SLC35D2: variants seen among roughly 807,000 people sequenced by gnomAD.
SLC35D2 encodes the protein nucleotide sugar transporter SLC35D2.
A neutral mutation model predicts 41.8 loss-of-function variants in SLC35D2; 43 were observed. The ratio of observed to expected loss-of-function variants is 1.03; its 90% CI spans 0.81 to 1.33. The LOEUF is 1.33. Ranked by LOEUF, SLC35D2 falls within the 40% of genes most tolerant of loss-of-function variation. The pLI, the probability that SLC35D2 is intolerant of heterozygous loss-of-function variation, is 0.00. For synonymous variants in SLC35D2, 150 were observed against 163.9 expected, an observed-to-expected ratio of 0.92 and a Z score of 0.65; for missense variants, 380 against 408.4, an observed-to-expected ratio of 0.93 and a Z score of 0.60.
intron 1 of SLC35D2, among the ~76,000 whole-genome samples, chr9:96,375,154 G>C (rs1035281005): frequency 9.9e-5 from 15 of 151,194 alleles, no homozygotes; most frequent in Non-Finnish European, 1.6e-4. Flanking sequence ...ACGATGCCCG[G>C]CTAATTTTTG....
At chr9:96,376,234 G>A (rs1830948602) in intron 1 of SLC35D2, among the ~76,000 whole-genome samples, 1 of 149,226 alleles carries the variant, frequency 6.7e-6, no homozygotes, top group Non-Finnish European at 1.5e-5. Flanking sequence ...GGTGGAGGTT[G>A]CAGTGAGCCT....
intron 9 of SLC35D2, among the ~76,000 whole-genome samples, chr9:96,326,719 T>C (rs1346727618): frequency 6.6e-6 from 1 of 151,608 alleles, no homozygotes; most frequent in Non-Finnish European, 1.5e-5. Context: ...GGCAGGAGAA[T>C]TGCTTGAGCC....
At chr9:96,345,468 T>C in intron 6 of SLC35D2, 67 bp from the exon 7 acceptor site, 1 of 861,824 alleles carries the variant, frequency 1.2e-6, no homozygotes, top group Non-Finnish European at 1.9e-6. Context: ...CAAGCCCGCC[T>C]GATCTACCTT....
chr9:96,355,225 G>T (rs1564111573), intron 4 of SLC35D2, among the ~76,000 whole-genome samples: 1 of 151,632 alleles, frequency 6.6e-6, no homozygotes, highest in Non-Finnish European at 1.5e-5. Flanking sequence ...ACCATGTTGA[G>T]CAGGCTGGGT....
At chr9:96,322,444 G>A (rs1218626803) in intron 10 of SLC35D2, among the ~76,000 whole-genome samples, 1 of 152,144 alleles carries the variant, frequency 6.6e-6, no homozygotes, top group Non-Finnish European at 1.5e-5. Context: ...GATTGCTTGA[G>A]CCCAGGAAGT....
intron 8 of SLC35D2, among the ~76,000 whole-genome samples, chr9:96,340,686 CTT>C (rs375931195): frequency 8.3e-4 from 111 of 134,138 alleles, no homozygotes; most frequent in Non-Finnish European, 1.5e-3. Context: ...TTGACTTGTA[CTT>C]TGTTATTTTA....
chr9:96,337,719 C>T (rs372420112), intron 8 of SLC35D2, among the ~76,000 whole-genome samples: 10 of 151,950 alleles, frequency 6.6e-5, no homozygotes, highest in African/African-American at 1.9e-4. Context: ...CAGTGGCTCA[C>T]GCTTGTAATC....
chr9:96,379,990 C>A (rs992674119), intron 1 of SLC35D2, among the ~76,000 whole-genome samples: 2 of 151,578 alleles, frequency 1.3e-5, no homozygotes, highest in African/African-American at 4.8e-5. Context: ...CTCCGCCTCC[C>A]AGGTTCAAGT....
At chr9:96,319,679 T>G (rs1420617126), downstream of SLC35D2, among the ~76,000 whole-genome samples, 10 of 151,960 alleles carry the variant, frequency 6.6e-5, no homozygotes. Context: ...CTAATTTTTT[T>G]GTAGAGATGA....
intron 6 of SLC35D2, 158 bp downstream of exon 6, chr9:96,350,945 C>A: frequency 1.8e-6 from 1 of 554,140 alleles, no homozygotes; most frequent in South Asian, 3.1e-5. Flanking sequence ...CTTTGACTTT[C>A]ATAGGAACAC....
intron 9 of SLC35D2, among the ~76,000 whole-genome samples, chr9:96,335,838 G>T (rs1387486039): frequency 6.6e-6 from 1 of 151,984 alleles, no homozygotes; most frequent in African/African-American, 2.4e-5. Flanking sequence ...CAGATCACAA[G>T]GTCAGGAGAT....
Position 96,321,109 on chromosome 9 carries a change from T to C in SLC35D2, c.*133A>G. 1.5e-6 allele frequency: 1 copy of C among 650,242 alleles called. No individual in the cohort carries two copies. Among genetic ancestry groups the C allele is most frequent in the South Asian group, 1.9e-5 (1 of 53,560 alleles). The allele number at this position is 650,242 out of a possible 1,614,324, so 40.3% of individuals were successfully genotyped here. Reference sequence around the variant, plus strand: ...ATCCTGCATATGAGGTAGTTCTCTTTGCATTTTGCAGATGCTCTCACTTGC... The same window carrying C: ...ATCCTGCATATGAGGTAGTTCTCTTCGCATTTTGCAGATGCTCTCACTTGC... On this transcript the variant is annotated 3_prime_UTR_variant, in exon 12 of 12. Transcript: ENST00000253270.
At chr9:96,370,081 C>G (rs1016827662) in intron 1 of SLC35D2, among the ~76,000 whole-genome samples, 1 of 152,150 alleles carries the variant, frequency 6.6e-6, no homozygotes, top group African/African-American at 2.4e-5. Context: ...AATAGCATGT[C>G]CACTCCCTGA....
chr9:96,347,739 C>T (rs1435119188), intron 6 of SLC35D2, among the ~76,000 whole-genome samples: 1 of 152,040 alleles, frequency 6.6e-6, no homozygotes, highest in African/African-American at 2.4e-5. Context: ...CATTCCCAGG[C>T]GGTTAAGGCA....
chr9:96,321,332 C>T lies in SLC35D2; in HGVS notation c.924G>A (p.Gly308=), dbSNP rs370761962. ...GTGTTAAAAAGGAATATCTCAAGCC[C>T]CCTGCCATGCTGAAAGGAGAAAAAA... ...NFVGLNICMA[G]GLRYSFLTLS... is the part of the protein sequence containing the mutation. Residue 308 remains glycine, a synonymous_variant, in exon 12 of 12, where the codon GGG becomes GGA. Coordinates refer to ENST00000253270, the MANE Select transcript of SLC35D2 (RefSeq NM_007001.3). 2.9e-5 allele frequency: 47 copies of T among 1,613,062 alleles called. No individual in the cohort carries two copies. Among genetic ancestry groups the T allele is most frequent in the Admixed American group, 1.7e-4 (10 of 59,928 alleles).
At chr9:96,356,214 T>C (rs1830014731) in intron 4 of SLC35D2, among the ~76,000 whole-genome samples, 1 of 152,232 alleles carries the variant, frequency 6.6e-6, no homozygotes, top group Non-Finnish European at 1.5e-5. Context: ...CCTCACCAGA[T>C]GCAGATGCTG....
intron 9 of SLC35D2, among the ~76,000 whole-genome samples, chr9:96,333,532 G>A (rs555652839): frequency 2.3e-4 from 34 of 150,726 alleles, no homozygotes; most frequent in Admixed American, 8.6e-4. Flanking sequence ...GAGGCGGTGC[G>A]TGCAGTGAGC....
downstream of SLC35D2, among the ~76,000 whole-genome samples, chr9:96,316,160 C>T (rs1828047266): frequency 6.6e-6 from 1 of 152,158 alleles, no homozygotes; most frequent in African/African-American, 2.4e-5. Flanking sequence ...TGCACCAGCT[C>T]ACTAAATCTT....
intron 2 of SLC35D2, among the ~76,000 whole-genome samples, chr9:96,364,965 G>A (rs34733232): frequency 0.027 from 3,999 of 147,662 alleles, 77 homozygotes; most frequent in Middle Eastern, 0.059. Context: ...CAGGAGAATC[G>A]CTTGAACCTG....
Sources: allele counts gnomAD v4.1 joint callset (sites outside exome capture counted in the v4.1 genomes callset), GRCh38; gene constraint gnomAD v4.1.1; transcripts MANE v1.5; gene names NCBI Gene and HGNC (gene_info 2026-07-23, HGNC 2026-07-21).